Variants in PTPRG observed in about 807,000 individuals in gnomAD.
PTPRG encodes the protein protein tyrosine phosphatase receptor type G.
In PTPRG, 102 loss-of-function variants were observed where a neutral mutation model predicts 165.3. The observed-to-expected ratio is 0.62, with a 90% CI of 0.53 to 0.73. The LOEUF is 0.73. PTPRG is among the 30% of genes least tolerant of loss of function. The pLI is 0.00. For synonymous variants in PTPRG, 675 were observed against 669.5 expected (o/e 1.01, Z -0.13); for missense variants, 1,866 against 1,861.4 (o/e 1.00, Z -0.05).
At chr3:61,993,540 T>C (rs1003311730) in intron 3 of PTPRG, among the ~76,000 whole-genome samples, 11 of 152,076 alleles carry the variant, frequency 7.2e-5, no homozygotes, top group African/African-American at 2.7e-4. Flanking sequence ...TTTTGAAAGA[T>C]TGTACAATTA....
chr3:61,865,411 G>A (rs375637821), intron 2 of PTPRG, among the ~76,000 whole-genome samples: 6 of 152,268 alleles, frequency 3.9e-5, no homozygotes, highest in South Asian at 2.1e-4. Flanking sequence ...CTGAGGAAAC[G>A]GGATATTAGA....
At chr3:61,952,849 G>A (rs2039932391) in intron 2 of PTPRG, among the ~76,000 whole-genome samples, 1 of 152,100 alleles carries the variant, frequency 6.6e-6, no homozygotes, top group African/African-American at 2.4e-5. Flanking sequence ...CCACTAAATA[G>A]TAATCTCTTG....
chr3:61,791,798 A>C (rs2034883336), intron 2 of PTPRG, among the ~76,000 whole-genome samples: 1 of 152,150 alleles, frequency 6.6e-6, no homozygotes, highest in African/African-American at 2.4e-5. Context: ...TGTTTCTAAT[A>C]AACTTATAAT....
chr3:61,592,832 C>T (rs7616484), intron 1 of PTPRG, among the ~76,000 whole-genome samples: 17,639 of 151,920 alleles, frequency 0.12, 1,178 homozygotes, highest in African/African-American at 0.18. Flanking sequence ...CACAAGTTCC[C>T]ATAAAAGCCG....
At chr3:62,276,741 A>G (rs148943543) in intron 24 of PTPRG, 3 of 503,458 alleles carry the variant, frequency 6.0e-6, no homozygotes, top group African/African-American at 3.9e-5. Flanking sequence ...AATCTCTCCC[A>G]CAGTAAAACT....
At chr3:61,886,019 A>G (rs1559669295) in intron 2 of PTPRG, among the ~76,000 whole-genome samples, 1 of 151,790 alleles carries the variant, frequency 6.6e-6, no homozygotes. Flanking sequence ...GGAGAGAGGG[A>G]AACCCTGGAC....
In PTPRG at chr3:61,714,462, C is replaced by T. The variant is rs76731512; in HGVS notation, c.86-34416C>T. On this transcript the variant is annotated intron_variant, in intron 1 of 29. Transcript: ENST00000474889. ...TGGATCTTAAGCAGCCATGATGGGA[C>T]CACGAGATTGGTACTATGTGCCGAA... Among the ~76,000 whole-genome samples, 776 of 152,142 alleles carry T rather than the reference C, an allele frequency of 5.1e-3. 7 individuals carry two copies. The highest frequency in any genetic ancestry group is 0.018 in the African/African-American group (738 of 41,506).
chr3:62,186,349 A>G (rs1250767122), intron 8 of PTPRG, among the ~76,000 whole-genome samples: 1 of 152,084 alleles, frequency 6.6e-6, no homozygotes, highest in Admixed American at 6.5e-5. Flanking sequence ...GAGAAACGCG[A>G]GCCCCTGCCA....
At chr3:61,663,892 C>T (rs917753585) in intron 1 of PTPRG, among the ~76,000 whole-genome samples, 8 of 152,090 alleles carry the variant, frequency 5.3e-5, no homozygotes, top group Non-Finnish European at 1.0e-4. Flanking sequence ...GCTCTCTTGC[C>T]CTCCACTCAC....
intron 2 of PTPRG, among the ~76,000 whole-genome samples, chr3:61,919,715 T>C (rs2039031298): frequency 6.6e-6 from 1 of 152,122 alleles, no homozygotes; most frequent in Non-Finnish European, 1.5e-5. Context: ...GATTTTTTTT[T>C]CTCTGATTGA....
intron 4 of PTPRG, among the ~76,000 whole-genome samples, chr3:62,072,065 C>A (rs1435126804): frequency 3.3e-5 from 5 of 152,162 alleles, no homozygotes; most frequent in Admixed American, 3.3e-4. Flanking sequence ...AGTCAAACTA[C>A]AACTGGAATT....
Position 62,203,120 on chromosome 3 carries a change from C to G in PTPRG, c.1378-53C>G, listed in dbSNP as rs538000267. ...CCCAATCTCAATTACTGATGCTTCTCTGCTTTTTCTTCTTCTGCCTCTTTT... is the reference window on the plus strand; with the variant it reads ...CCCAATCTCAATTACTGATGCTTCTGTGCTTTTTCTTCTTCTGCCTCTTTT... On this transcript the variant is annotated intron_variant, in intron 11 of 29. Coordinates refer to ENST00000474889, the MANE Select transcript of PTPRG (RefSeq NM_002841.4). This position sits in a 1 kb window ranked among gnomAD's most constrained non-coding sequence, Gnocchi z 6.4. 4.2e-5 allele frequency: 64 copies of G among 1,524,516 alleles called. No homozygotes were observed. In the East Asian group the frequency reaches 1.1e-3, roughly 27 times the overall value. The allele number at this position is 1,524,516 out of a possible 1,614,324, so 94.4% of individuals were successfully genotyped here.
chr3:61,615,326 C>G (rs1701272679), intron 1 of PTPRG, among the ~76,000 whole-genome samples: 1 of 152,184 alleles, frequency 6.6e-6, no homozygotes, highest in East Asian at 1.9e-4. Context: ...CCTCTATGAC[C>G]TCGATACTTT....
intron 6 of PTPRG, among the ~76,000 whole-genome samples, chr3:62,143,942 C>T (rs1704022579): frequency 1.3e-5 from 2 of 152,200 alleles, no homozygotes; most frequent in African/African-American, 4.8e-5. Context: ...AGGGAAAACA[C>T]AGAGAAAAGA....
chr3:62,135,991 G>A (rs1291810285), intron 6 of PTPRG, among the ~76,000 whole-genome samples: 1 of 152,176 alleles, frequency 6.6e-6, no homozygotes, highest in African/African-American at 2.4e-5. Flanking sequence ...GGCAGATCCT[G>A]GAGGTGCAGC....
intron 4 of PTPRG, among the ~76,000 whole-genome samples, chr3:62,040,931 G>A (rs570355892): frequency 2.0e-5 from 3 of 152,274 alleles, no homozygotes; most frequent in African/African-American, 7.2e-5. Flanking sequence ...ATGCACTGGA[G>A]GCAACATGGG....
At chr3:62,220,623 T>C (rs1488426085) in intron 13 of PTPRG, among the ~76,000 whole-genome samples, 5 of 152,160 alleles carry the variant, frequency 3.3e-5, no homozygotes, top group African/African-American at 1.2e-4. Flanking sequence ...AGCAAGTTTA[T>C]GAAGTATGTT....
chr3:62,238,615 T>C (rs1045958711), intron 14 of PTPRG, among the ~76,000 whole-genome samples: 28 of 152,108 alleles, frequency 1.8e-4, no homozygotes, highest in African/African-American at 6.5e-4. Context: ...GAGGGAGTCT[T>C]CACAATACAC....
At chr3:61,764,352 T>A (rs967384698) in intron 2 of PTPRG, among the ~76,000 whole-genome samples, 5 of 151,202 alleles carry the variant, frequency 3.3e-5, no homozygotes, top group Admixed American at 6.6e-5. Flanking sequence ...TCAGTAAAAG[T>A]GTTTATCAAG....
Sources: allele counts gnomAD v4.1 joint callset (sites outside exome capture counted in the v4.1 genomes callset), GRCh38; gene constraint gnomAD v4.1.1; non-coding constraint Gnocchi (gnomAD v3.1); transcripts MANE v1.5; gene names NCBI Gene and HGNC (gene_info 2026-07-23, HGNC 2026-07-21).